The following VTI1A variants were observed in gnomAD, a reference collection of about 807,000 sequenced individuals.
VTI1A encodes vesicle transport through interaction with t-SNAREs 1A, also known as vesicle transport through interaction with t-SNAREs homolog 1A.
A neutral mutation model predicts 34.9 loss-of-function variants in VTI1A; 22 were observed. The observed-to-expected ratio is 0.63, with a 90% CI of 0.45 to 0.90. The LOEUF is 0.90. Among genes scored for constraint, VTI1A ranks in the 40% least tolerant of loss-of-function variants. VTI1A has a pLI of 0.00. For synonymous variants in VTI1A, 87 were observed against 97.3 expected (o/e 0.89, Z 0.62); for missense variants, 268 against 275.6 (o/e 0.97, Z 0.20).
rs1264621715 is a variant in VTI1A at position 112,493,103 on chromosome 10, CA to C, written c.264+28447del. ...AGAAATTGCTATCTTAAAAATACTACATCTTCCAATCCATTTAGTTAGATTT... is the reference window on the plus strand; with the variant it reads ...AGAAATTGCTATCTTAAAAATACTACTCTTCCAATCCATTTAGTTAGATTT... On this transcript the variant is annotated intron_variant, in intron 3 of 7. Transcript: ENST00000393077. Among the ~76,000 whole-genome samples, 6 of 152,312 alleles carry C rather than the reference CA, an allele frequency of 3.9e-5. 1 individual carries two copies. Among genetic ancestry groups the C allele is most frequent in the Middle Eastern group, 3.4e-3 (1 of 294 alleles).
intron 5 of VTI1A, among the ~76,000 whole-genome samples, chr10:112,590,550 T>A (rs187113978): frequency 7.3e-4 from 110 of 151,712 alleles, no homozygotes; most frequent in African/African-American, 2.4e-3. Flanking sequence ...CATGGTGGCA[T>A]GCATGCCTAT....
chr10:112,847,047 T>C, the VTI1A span, among the ~76,000 whole-genome samples: 1 of 152,218 alleles, frequency 6.6e-6, no homozygotes, highest in South Asian at 2.1e-4. Flanking sequence ...TTTTGGTAAT[T>C]TGTTACAGTG....
intron 5 of VTI1A, among the ~76,000 whole-genome samples, chr10:112,550,542 G>C (rs1411618952): frequency 6.6e-6 from 1 of 152,100 alleles, no homozygotes; most frequent in African/African-American, 2.4e-5. Flanking sequence ...GCTTTCGTCT[G>C]TATTTCCTCT....
chr10:112,791,012 A>G (rs568034103), intron 7 of VTI1A, among the ~76,000 whole-genome samples: 1 of 152,130 alleles, frequency 6.6e-6, no homozygotes, highest in East Asian at 1.9e-4. Flanking sequence ...CAATATGGCA[A>G]TGACCAGCTC....
intron 3 of VTI1A, among the ~76,000 whole-genome samples, chr10:112,524,870 A>T (rs891575995): frequency 6.6e-6 from 1 of 152,134 alleles, no homozygotes; most frequent in Non-Finnish European, 1.5e-5. Context: ...AAAGGTTCTC[A>T]TTTCCTTTAA....
intron 7 of VTI1A, among the ~76,000 whole-genome samples, chr10:112,754,100 A>G (rs1017262352): frequency 6.6e-6 from 1 of 152,218 alleles, no homozygotes; most frequent in Non-Finnish European, 1.5e-5. Context: ...CTGCAAAAAC[A>G]AGAAAACTTT....
At chr10:112,710,048 T>C (rs1433191923) in intron 7 of VTI1A, among the ~76,000 whole-genome samples, 1 of 147,470 alleles carries the variant, frequency 6.8e-6, no homozygotes, top group Non-Finnish European at 1.5e-5. Flanking sequence ...TTCCCTCTAC[T>C]ATAGGGTTAA....
chr10:112,584,102 A>G (rs1164805341), intron 5 of VTI1A, among the ~76,000 whole-genome samples: 2 of 152,202 alleles, frequency 1.3e-5, no homozygotes, highest in Non-Finnish European at 2.9e-5. Flanking sequence ...CATCTACAAT[A>G]GTATTTAAAG....
rs1208931745 is a variant in VTI1A, at chr10:112,518,581, C to CTATATA, written c.265-8505_265-8504insATATAT. 1.1e-4 allele frequency among the ~76,000 whole-genome samples: 9 copies of CTATATA among 84,222 alleles called. No individual in the cohort carries two copies. In the East Asian group the frequency reaches 2.9e-3, roughly 27 times the overall value. The allele number at this position is 84,222 out of a possible 152,430, so 55.3% of individuals were successfully genotyped here. A position where few individuals can be genotyped will look rare whatever the true frequency, so the allele number is the denominator to read the frequency against. Reference sequence around the variant, plus strand: ...TCTCTCTCTCTCTCTCTCTCTCTCTCTCTCTCTCTATATATATATATATAT... The same window carrying CTATATA: ...TCTCTCTCTCTCTCTCTCTCTCTCTCTATATATCTCTCTCTATATATATATATATAT... On this transcript the variant is annotated intron_variant, in intron 3 of 7. Transcript: ENST00000393077.
intron 5 of VTI1A, among the ~76,000 whole-genome samples, chr10:112,636,722 C>T (rs1427922709): frequency 2.1e-5 from 2 of 96,996 alleles, no homozygotes; most frequent in Non-Finnish European, 4.2e-5. Flanking sequence ...GAGCAAGACT[C>T]GATCTCAAAA....
chr10:112,722,343 C>T (rs1849841321), intron 7 of VTI1A, among the ~76,000 whole-genome samples: 1 of 151,708 alleles, frequency 6.6e-6, no homozygotes, highest in Admixed American at 6.6e-5. Flanking sequence ...AGGGACATCA[C>T]ACACCGGGAC....
intron 5 of VTI1A, among the ~76,000 whole-genome samples, chr10:112,571,918 C>T (rs958755158): frequency 6.6e-6 from 1 of 152,150 alleles, no homozygotes; most frequent in Non-Finnish European, 1.5e-5. Context: ...CACTTAAAAG[C>T]AGGAGCCAAA....
rs1394735015 is a variant in VTI1A at position 112,725,196 on chromosome 10, A to G, written c.560+56198A>G. Among the ~76,000 whole-genome samples the G allele has an allele frequency of 2.6e-5, 4 of 152,176 alleles. No individual in the cohort carries two copies. In the South Asian group the frequency reaches 8.3e-4, roughly 32 times the overall value. On this transcript the variant is annotated intron_variant, in intron 7 of 7. Coordinates refer to ENST00000393077, the MANE Select transcript of VTI1A (RefSeq NM_145206.4). Reference sequence around the variant, plus strand: ...TTGATCTGTCTTTAAACGTTCTTTAATCTATTACAGATCGCCCTCCTGTTT... The same window carrying G: ...TTGATCTGTCTTTAAACGTTCTTTAGTCTATTACAGATCGCCCTCCTGTTT...
At chr10:112,517,665 G>C (rs1849834194) in intron 3 of VTI1A, among the ~76,000 whole-genome samples, 1 of 152,062 alleles carries the variant, frequency 6.6e-6, no homozygotes, top group Non-Finnish European at 1.5e-5. Context: ...TCTGATCAAA[G>C]TGGCACTTTA....
intron 7 of VTI1A, among the ~76,000 whole-genome samples, chr10:112,804,806 C>T (rs1036115514): frequency 6.6e-6 from 1 of 151,406 alleles, no homozygotes; most frequent in African/African-American, 2.4e-5. Context: ...TGTCGAAGAC[C>T]ACCACATAAT....
At chr10:112,770,399 T>C (rs537611734) in intron 7 of VTI1A, among the ~76,000 whole-genome samples, 86 of 151,872 alleles carry the variant, frequency 5.7e-4, no homozygotes, top group African/African-American at 2.0e-3. Context: ...TTTTCTTTTT[T>C]CTTTTTTTTT....
At chr10:112,830,849 A>ATATATATATATATATTTTTTTTTTTT in the VTI1A span, among the ~76,000 whole-genome samples, 3 of 33,496 alleles carry the variant, frequency 9.0e-5, no homozygotes, top group African/African-American at 4.3e-4. Context: ...ATATATATAT[A>ATATATATATATATATTTTTTTTTTTT]TTTTTTTTTT....
At chr10:112,641,258 C>A (rs1424942344) in intron 5 of VTI1A, among the ~76,000 whole-genome samples, 1 of 152,168 alleles carries the variant, frequency 6.6e-6, no homozygotes, top group Non-Finnish European at 1.5e-5. Context: ...TCCAGTCCTC[C>A]TGCAGGCCCC....
intron 7 of VTI1A, among the ~76,000 whole-genome samples, chr10:112,678,459 A>G (rs1848103979): frequency 6.6e-6 from 1 of 152,122 alleles, no homozygotes; most frequent in African/African-American, 2.4e-5. Flanking sequence ...CCCCCACACC[A>G]TTACACCACT....
Sources: allele counts gnomAD v4.1 joint callset (sites outside exome capture counted in the v4.1 genomes callset), GRCh38; gene constraint gnomAD v4.1.1; transcripts MANE v1.5; gene names NCBI Gene and HGNC (gene_info 2026-07-23, HGNC 2026-07-21).